The following IFFO2 variants were observed in gnomAD, a reference collection of about 807,000 sequenced individuals.
The protein encoded by IFFO2 is intermediate filament family orphan 2.
In IFFO2, 19 loss-of-function variants were observed where a neutral mutation model predicts 53.5. That is an observed-to-expected ratio of 0.36 (90% CI 0.25 to 0.52). The LOEUF (loss-of-function observed/expected upper bound fraction) is 0.52. Among genes scored for constraint, IFFO2 ranks in the 20% least tolerant of loss-of-function variants. IFFO2 has a pLI of 0.94. For synonymous variants in IFFO2, 303 were observed against 313.6 expected (o/e 0.97, Z 0.36); for missense variants, 570 against 727.4 (o/e 0.78, Z 2.49).
intron 1 of IFFO2, among the ~76,000 whole-genome samples, chr1:18,930,303 T>A (rs1936357310): frequency 6.6e-6 from 1 of 152,262 alleles, no homozygotes; most frequent in African/African-American, 2.4e-5. Context: ...GCTGGGAGAA[T>A]GCTCTTGGAC....
rs1936135230 is a variant in IFFO2, at chr1:18,916,533, A to T, written c.1103+370T>A. On this transcript the variant is annotated intron_variant, in intron 5 of 8. Coordinates refer to ENST00000455833, the MANE Select transcript of IFFO2 (RefSeq NM_001136265.2). This position sits in a 1 kb window ranked among gnomAD's most constrained non-coding sequence, Gnocchi z 4.3. Reference sequence around the variant, plus strand: ...GTAATCCCAGCACTTTGGGAGGCCAAGGCAGAAGCATCGCTTGAGCTCAGG... The same window carrying T: ...GTAATCCCAGCACTTTGGGAGGCCATGGCAGAAGCATCGCTTGAGCTCAGG... Among the ~76,000 whole-genome samples the T allele has an allele frequency of 6.6e-6, 1 of 152,352 alleles. No individual in the cohort carries two copies. Among genetic ancestry groups the T allele is most frequent in the East Asian group, 1.9e-4 (1 of 5,182 alleles).
intron 1 of IFFO2, among the ~76,000 whole-genome samples, chr1:18,944,757 C>A (rs1936565016): frequency 6.6e-6 from 1 of 152,176 alleles, no homozygotes; most frequent in South Asian, 2.1e-4. Context: ...AGCCACTCAC[C>A]AGGGCCCAGC....
chr1:18,915,939 A>G (rs2100647249), intron 5 of IFFO2, among the ~76,000 whole-genome samples: 1 of 152,170 alleles, frequency 6.6e-6, no homozygotes, highest in East Asian at 1.9e-4. Flanking sequence ...AGCCTGGCCA[A>G]CGTGGTAAAA....
chr1:18,916,716 T>G lies in IFFO2; in HGVS notation c.1103+187A>C, dbSNP rs1936137195. Reference sequence around the variant, plus strand: ...AAGAGGTTGAGGCTGCAGTGAGCTGTGACCATGCCGCCGCACTCCAGCCTC... The same window carrying G: ...AAGAGGTTGAGGCTGCAGTGAGCTGGGACCATGCCGCCGCACTCCAGCCTC... On this transcript the variant is annotated intron_variant, in intron 5 of 8. Coordinates refer to ENST00000455833, the MANE Select transcript of IFFO2 (RefSeq NM_001136265.2). The surrounding 1 kb of genome is among the most constrained non-coding windows in gnomAD (Gnocchi z 4.3). Among the ~76,000 whole-genome samples the G allele has an allele frequency of 6.6e-6, 1 of 151,834 alleles. No individual in the cohort carries two copies. Among genetic ancestry groups the G allele is most frequent in the Admixed American group, 6.6e-5 (1 of 15,262 alleles).
chr1:18,924,952 C>G (rs1936261808), intron 1 of IFFO2, among the ~76,000 whole-genome samples: 1 of 152,218 alleles, frequency 6.6e-6, no homozygotes, highest in African/African-American at 2.4e-5. Context: ...CCCCACTTTA[C>G]AAGTGGGAAA....
chr1:18,955,888 AGCCGCCGCCGGG>A lies in IFFO2; in HGVS notation c.433_444del (p.Pro145_Gly148del). The A allele has an allele frequency of 7.4e-7, 1 of 1,355,220 alleles. No individual in the cohort carries two copies. The highest frequency in any genetic ancestry group is 3.1e-5 in the East Asian group (1 of 32,280). The allele number at this position is 1,355,220 out of a possible 1,614,324, so 83.9% of individuals were successfully genotyped here. A position where few individuals can be genotyped will look rare whatever the true frequency, so the allele number is the denominator to read the frequency against. ...AGGCGGCCGTAGTGCTGCGGGTGCG[AGCCGCCGCCGGG>A]GGGCAGGCCGCCCAGGGCCACGGCA... On this transcript the variant is annotated inframe_deletion, in exon 1 of 9. Coordinates refer to ENST00000455833, the MANE Select transcript of IFFO2 (RefSeq NM_001136265.2).
chr1:18,915,624 C>T (rs145150118), intron 5 of IFFO2, among the ~76,000 whole-genome samples: 77 of 148,682 alleles, frequency 5.2e-4, no homozygotes, highest in African/African-American at 1.7e-3. Flanking sequence ...TACCCAAGTC[C>T]CTTCTCCTCT....
rs1189466769 is a variant in IFFO2 at position 18,956,028 on chromosome 1, G to A, written c.305C>T (p.Ser102Phe). Residue 102 changes from serine to phenylalanine, a missense_variant, in exon 1 of 9, where the codon TCC becomes TTC. Ser to Phe is a radical substitution (Grantham distance 155). Coordinates refer to ENST00000455833, the MANE Select transcript of IFFO2 (RefSeq NM_001136265.2). The surrounding 1 kb of genome is among the most constrained non-coding windows in gnomAD (Gnocchi z 6.4). ...RERRLRYKTF[S>F]REQAVQTGPE... is the part of the protein sequence containing the mutation. ...CCCGGTCTGCACGGCCTGCTCGCGG[G>A]AGAAGGTCTTGTAGCGCAGCCGCCG... is the stretch of plus-strand genomic sequence containing the variant. The A allele has an allele frequency of 1.4e-6, 2 of 1,451,244 alleles. No individual in the cohort carries two copies. The highest frequency in any genetic ancestry group is 1.3e-5 in the South Asian group (1 of 79,408). 89.9% of individuals were successfully genotyped at this position (1,451,244 alleles called of 1,614,324 possible). A position where few individuals can be genotyped will look rare whatever the true frequency, so the allele number is the denominator to read the frequency against.
intron 1 of IFFO2, among the ~76,000 whole-genome samples, chr1:18,955,266 C>T (rs1936708798): frequency 6.6e-6 from 1 of 152,168 alleles, no homozygotes; most frequent in Admixed American, 6.5e-5. Context: ...CCGGTTTCAC[C>T]ACTTACTCGC....
At chr1:18,933,531 T>C (rs1236412014) in intron 1 of IFFO2, among the ~76,000 whole-genome samples, 1 of 152,180 alleles carries the variant, frequency 6.6e-6, no homozygotes, top group East Asian at 1.9e-4. Context: ...TCCCAGCACT[T>C]TGGGCAGGTG....
chr1:18,919,702 C>G lies in IFFO2; in HGVS notation c.798G>C (p.Val266=). The G allele has an allele frequency of 6.4e-7, 1 of 1,551,678 alleles. No individual in the cohort carries two copies. Among genetic ancestry groups the G allele is most frequent in the Non-Finnish European group, 8.7e-7 (1 of 1,146,960 alleles). ...CGTCACTCATAAGCCCCTTAAACAC[C>G]ACCAGCTCGGCCTTGAGCCGCTCGA... The part of the protein sequence containing the change: ...EKIERLKAEL[V]VFKGLMSDPM... The change falls in exon 3 of 9, where the codon GTG becomes GTC. Residue 266 remains valine (V), a synonymous_variant. Transcript: ENST00000455833. This position sits in a 1 kb window ranked among gnomAD's most constrained non-coding sequence, Gnocchi z 4.9.
In IFFO2 at chr1:18,904,832, A is replaced by C. The variant is rs1371526995; in HGVS notation, c.*3729T>G. On this transcript the variant is annotated 3_prime_UTR_variant, in exon 9 of 9. Coordinates refer to ENST00000455833, the MANE Select transcript of IFFO2 (RefSeq NM_001136265.2). ...CCCCCCAGGGCCCTGGGGGGAACAT[A>C]GCAAGGACTGCAGCCCAGGCTTGGC... 1 of 151,970 alleles carries C rather than the reference A, an allele frequency of 6.6e-6. No individual in the cohort carries two copies. Among genetic ancestry groups the C allele is most frequent in the Non-Finnish European group, 1.5e-5 (1 of 67,992 alleles). 9.4% of individuals were successfully genotyped at this position (151,970 alleles called of 1,614,324 possible).
chr1:18,910,164 G>T (rs1337577088), intron 8 of IFFO2, among the ~76,000 whole-genome samples, 178 bp downstream of exon 8: 1 of 151,878 alleles, frequency 6.6e-6, no homozygotes, highest in East Asian at 2.0e-4. Context: ...AAGGCATCTG[G>T]CACATAGGTG....
chr1:18,935,637 G>T (rs976603474), intron 1 of IFFO2, among the ~76,000 whole-genome samples: 59 of 151,656 alleles, frequency 3.9e-4, no homozygotes, highest in Middle Eastern at 3.5e-3. Context: ...TGGTATTGAG[G>T]TTACTGATCC....
chr1:18,948,053 G>A (rs112718905), intron 1 of IFFO2, among the ~76,000 whole-genome samples: 4 of 152,350 alleles, frequency 2.6e-5, no homozygotes, highest in African/African-American at 7.2e-5. Context: ...TTTGTAAAAT[G>A]AGCATAATCA....
chr1:18,930,229 G>A (rs1251618279), intron 1 of IFFO2, among the ~76,000 whole-genome samples: 1 of 152,220 alleles, frequency 6.6e-6, no homozygotes, highest in Non-Finnish European at 1.5e-5. Flanking sequence ...CCATGAGCAT[G>A]CCATTGGTGT....
At chr1:18,931,603 G>A (rs935479261) in intron 1 of IFFO2, among the ~76,000 whole-genome samples, 3 of 152,142 alleles carry the variant, frequency 2.0e-5, no homozygotes, top group African/African-American at 7.2e-5. Flanking sequence ...ACTCTTCTAC[G>A]AGAAGGGAAG....
intron 8 of IFFO2, 123 bp from the exon 9 acceptor site, chr1:18,908,789 C>T: frequency 1.4e-6 from 1 of 699,452 alleles, no homozygotes. Flanking sequence ...TGGTCCTGAG[C>T]TCCTGCCTCA....
At position 18,916,822 on chromosome 1, in the gene IFFO2, C is replaced by A; in HGVS notation, c.1103+81G>T. ...AATTCTTCCAGTGCTGCAGGCTACT[C>A]TCAGCCCAAGCCTCCCATTCACCGC... is the stretch of plus-strand genomic sequence containing the variant. On this transcript the variant is annotated intron_variant, in intron 5 of 8. Transcript: ENST00000455833. This position sits in a 1 kb window ranked among gnomAD's most constrained non-coding sequence, Gnocchi z 4.3. 6.8e-7 allele frequency: 1 copy of A among 1,477,890 alleles called. No individual in the cohort carries two copies. Among genetic ancestry groups the A allele is most frequent in the South Asian group, 1.3e-5 (1 of 78,588 alleles). 91.5% of individuals were successfully genotyped at this position (1,477,890 alleles called of 1,614,324 possible).
Sources: allele counts gnomAD v4.1 joint callset (sites outside exome capture counted in the v4.1 genomes callset), GRCh38; gene constraint gnomAD v4.1.1; non-coding constraint Gnocchi (gnomAD v3.1); transcripts MANE v1.5; gene names NCBI Gene and HGNC (gene_info 2026-07-23, HGNC 2026-07-21).